The following MAML3 variants were observed in gnomAD, a reference collection of about 807,000 sequenced individuals.
The protein encoded by MAML3 is mastermind-like protein 3.
MAML3 carries 27 observed loss-of-function variants against 101.9 expected under a neutral mutation model. The observed-to-expected ratio is 0.27, with a 90% CI of 0.20 to 0.37. The LOEUF (loss-of-function observed/expected upper bound fraction) is 0.37, where lower values mean the gene tolerates loss of function less well. MAML3 is among the 10% of genes least tolerant of loss of function. MAML3 has a pLI of 1.00. For synonymous variants in MAML3, 501 were observed against 555.9 expected (o/e 0.90, Z 1.39); for missense variants, 1,316 against 1,444.9 (o/e 0.91, Z 1.45).
chr4:139,735,401 G>A lies in MAML3; in HGVS notation c.2080-4734C>T, dbSNP rs1052246757. ...GGGAGGAAGAATTCAAGTGGGGGAGGGCGCGGGAAGGGGACGTGGAGGGAA... is the reference window on the plus strand; with the variant it reads ...GGGAGGAAGAATTCAAGTGGGGGAGAGCGCGGGAAGGGGACGTGGAGGGAA... On this transcript the variant is annotated intron_variant, in intron 2 of 4. Transcript: ENST00000509479. The surrounding 1 kb of genome is among the most constrained non-coding windows in gnomAD (Gnocchi z 5.8). Among the ~76,000 whole-genome samples, 26 of 152,076 alleles carry A rather than the reference G, an allele frequency of 1.7e-4. No homozygotes were observed. In the South Asian group the frequency reaches 5.4e-3, roughly 32 times the overall value.
intron 1 of MAML3, among the ~76,000 whole-genome samples, chr4:139,957,216 C>T (rs1223457676): frequency 6.6e-6 from 1 of 152,166 alleles, no homozygotes; most frequent in Non-Finnish European, 1.5e-5. Flanking sequence ...GGGCTTTAGC[C>T]ACATTAACTC....
At chr4:139,885,894 C>G (rs1343293548) in intron 2 of MAML3, among the ~76,000 whole-genome samples, 3 of 113,312 alleles carry the variant, frequency 2.6e-5, no homozygotes, top group Non-Finnish European at 5.1e-5. Context: ...GATCGCGCCA[C>G]TGCACTCCAG....
chr4:140,136,462 T>C (rs1325628051), intron 1 of MAML3, among the ~76,000 whole-genome samples: 1 of 152,222 alleles, frequency 6.6e-6, no homozygotes, highest in Non-Finnish European at 1.5e-5. Flanking sequence ...ATGGCGATAC[T>C]GGAGCCGTGT....
chr4:140,128,243 A>C (rs186935611), intron 1 of MAML3, among the ~76,000 whole-genome samples: 119 of 152,338 alleles, frequency 7.8e-4, no homozygotes, highest in Admixed American at 2.4e-3. Context: ...CAGAGAACTC[A>C]TCACACCTCA....
intron 1 of MAML3, among the ~76,000 whole-genome samples, chr4:140,114,860 C>T (rs1728491718): frequency 1.3e-5 from 2 of 152,176 alleles, no homozygotes; most frequent in African/African-American, 2.4e-5. Flanking sequence ...ACCATTATCA[C>T]ATCTAAAACA....
chr4:139,975,050 CATGATCCTATTAACCTGCA>C (rs949866495), intron 1 of MAML3, among the ~76,000 whole-genome samples: 5 of 152,066 alleles, frequency 3.3e-5, no homozygotes, highest in Non-Finnish European at 7.4e-5. Flanking sequence ...GACTTGGTGA[CATGATCCTATTAACCTGCA>C]AGTCAGATCA....
At chr4:140,041,722 C>G (rs1328356013) in intron 1 of MAML3, among the ~76,000 whole-genome samples, 2 of 152,200 alleles carry the variant, frequency 1.3e-5, no homozygotes, top group African/African-American at 4.8e-5. Flanking sequence ...ATCCCACCTC[C>G]TTCCAACAAC....
chr4:140,040,556 T>C (rs1674010201), intron 1 of MAML3, among the ~76,000 whole-genome samples: 1 of 152,144 alleles, frequency 6.6e-6, no homozygotes, highest in African/African-American at 2.4e-5. Flanking sequence ...GGCGCCACAC[T>C]AAAATATTAC....
intron 2 of MAML3, among the ~76,000 whole-genome samples, chr4:139,805,841 A>G (rs931549877): frequency 6.6e-6 from 1 of 152,206 alleles, no homozygotes; most frequent in Non-Finnish European, 1.5e-5. Context: ...GAATAATGGA[A>G]TACTATGCGA....
rs142050424 is a variant in MAML3 at position 139,900,044 on chromosome 4, C to T, written c.469-9077G>A. 1.1e-4 allele frequency among the ~76,000 whole-genome samples: 15 copies of T among 132,002 alleles called. No homozygotes were observed. In the East Asian group the frequency reaches 1.9e-3, roughly 17 times the overall value. The allele number at this position is 132,002 out of a possible 152,430, so 86.6% of individuals were successfully genotyped here. A position where few individuals can be genotyped will look rare whatever the true frequency, so the allele number is the denominator to read the frequency against. The stretch of plus-strand genomic sequence containing the variant: ...ATAGCTGCAGAGTCCCAAGGGACTA[C>T]GGGGGCACCGCGGAGCCCCCAGCCC... On this transcript the variant is annotated intron_variant, in intron 1 of 4. Transcript: ENST00000509479.
At chr4:140,001,272 C>G (rs922925331) in intron 1 of MAML3, among the ~76,000 whole-genome samples, 7 of 152,174 alleles carry the variant, frequency 4.6e-5, no homozygotes, top group Admixed American at 1.3e-4. Flanking sequence ...AGCTTCTTCT[C>G]TATAATGAAA....
At chr4:139,825,921 A>T (rs908475263) in intron 2 of MAML3, among the ~76,000 whole-genome samples, 5 of 152,150 alleles carry the variant, frequency 3.3e-5, no homozygotes, top group Admixed American at 1.3e-4. Context: ...TGATAAGGCC[A>T]TTATAGTTTC....
chr4:139,780,615 T>C (rs1014046485), intron 2 of MAML3, among the ~76,000 whole-genome samples: 1 of 140,012 alleles, frequency 7.1e-6, no homozygotes, highest in African/African-American at 2.7e-5. Context: ...CATTTCTTTC[T>C]TTCTTTTCTT....
chr4:139,954,899 C>T (rs937022380), intron 1 of MAML3, among the ~76,000 whole-genome samples: 2 of 150,806 alleles, frequency 1.3e-5, no homozygotes, highest in African/African-American at 4.9e-5. Context: ...AATAATGTAT[C>T]GATAAAAATT....
intron 2 of MAML3, among the ~76,000 whole-genome samples, chr4:139,788,991 A>G (rs1170175333): frequency 6.6e-6 from 1 of 152,176 alleles, no homozygotes; most frequent in Non-Finnish European, 1.5e-5. Flanking sequence ...GACCTTTGTT[A>G]TTTGCAGCTG....
At chr4:139,772,226 C>T (rs1270123306) in intron 2 of MAML3, among the ~76,000 whole-genome samples, 7 of 84,368 alleles carry the variant, frequency 8.3e-5, no homozygotes, top group Non-Finnish European at 1.4e-4. Context: ...GGTGACAGAG[C>T]GAGACTCCGT....
chr4:139,958,500 G>A (rs1733950508), intron 1 of MAML3, among the ~76,000 whole-genome samples: 1 of 152,172 alleles, frequency 6.6e-6, no homozygotes, highest in African/African-American at 2.4e-5. Flanking sequence ...AGTTACAATT[G>A]CCAGAGCCCA....
chr4:139,758,957 A>G (rs1729705706), intron 2 of MAML3, among the ~76,000 whole-genome samples: 1 of 152,240 alleles, frequency 6.6e-6, no homozygotes, highest in African/African-American at 2.4e-5. Context: ...ATGAGAATCT[A>G]CAAGACATTT....
chr4:139,822,225 T>TCACCACCACCACCAC (rs34942904), intron 2 of MAML3, among the ~76,000 whole-genome samples: 22 of 126,676 alleles, frequency 1.7e-4, no homozygotes, highest in African/African-American at 3.5e-4. Context: ...ATTATCACCA[T>TCACCACCACCACCAC]CACCACCACC....
Sources: gnomAD v4.1 joint callset for allele counts (sites outside exome capture counted in the v4.1 genomes callset) on GRCh38, gnomAD v4.1.1 for gene constraint, Gnocchi (gnomAD v3.1) non-coding constraint, MANE v1.5 for transcripts, NCBI Gene and HGNC (gene_info 2026-07-23, HGNC 2026-07-21) for gene names.